GET3: variants seen among roughly 807,000 people sequenced by gnomAD.
The protein encoded by GET3 is guided entry of tail-anchored proteins factor 3, ATPase, also known as ATPase GET3.
Under a neutral mutation model 32.4 loss-of-function variants are expected in GET3, and 15 were observed. The ratio of observed to expected loss-of-function variants is 0.46; its 90% CI spans 0.31 to 0.71. GET3 has a LOEUF of 0.71. Ranked by LOEUF, GET3 falls within the 30% of genes least tolerant of loss-of-function variation. GET3 has a pLI of 0.05. For missense variants in GET3, 333 were observed against 459.0 expected, an observed-to-expected ratio of 0.73 and a Z score of 2.51; for synonymous variants, 198 against 185.6, an observed-to-expected ratio of 1.07 and a Z score of -0.54.
chr19:12,740,518 T>C (rs891422948), intron 2 of GET3, among the ~76,000 whole-genome samples: 4 of 145,998 alleles, frequency 2.7e-5, no homozygotes, highest in African/African-American at 1.0e-4. Context: ...CTACTAAAAA[T>C]ACAAAAAAAT....
chr19:12,743,573 G>A (rs959472702), intron 2 of GET3, among the ~76,000 whole-genome samples: 7 of 150,934 alleles, frequency 4.6e-5, no homozygotes, highest in East Asian at 2.0e-4. Flanking sequence ...GGTGGATCAC[G>A]AGGTCAGGAG....
upstream of GET3, chr19:12,737,494 G>A: frequency 6.5e-7 from 1 of 1,529,720 alleles, no homozygotes; most frequent in Non-Finnish European, 8.8e-7. Flanking sequence ...GATCACGTGA[G>A]CCAGTTCCAA....
chr19:12,742,575 C>T (rs574954751), intron 2 of GET3, among the ~76,000 whole-genome samples: 9 of 152,108 alleles, frequency 5.9e-5, no homozygotes, highest in African/African-American at 1.9e-4. Context: ...CCACCATGCC[C>T]GGCTAATTTT....
Position 12,747,074 on chromosome 19 carries a change from C to G in GET3, c.610-123C>G. ...GTATTTGACCAACCCCAGGAATCTG[C>G]TTATGGGCCTGAGCCTTTAACCACT... On this transcript the variant is annotated intron_variant, in intron 4 of 6. Coordinates refer to ENST00000357332, the MANE Select transcript of GET3 (RefSeq NM_004317.4). This position sits in a 1 kb window ranked among gnomAD's most constrained non-coding sequence, Gnocchi z 4.0. 1 of 674,020 alleles carries G rather than the reference C, an allele frequency of 1.5e-6. No homozygotes were observed. Among genetic ancestry groups the G allele is most frequent in the South Asian group, 2.3e-5 (1 of 43,894 alleles). The allele number at this position is 674,020 out of a possible 1,614,324, so 41.8% of individuals were successfully genotyped here. A position where few individuals can be genotyped will look rare whatever the true frequency, so the allele number is the denominator to read the frequency against.
chr19:12,739,653 A>T (rs2145685616), intron 2 of GET3, among the ~76,000 whole-genome samples: 1 of 152,350 alleles, frequency 6.6e-6, no homozygotes, highest in Middle Eastern at 3.4e-3. Context: ...CTGGAAATCC[A>T]AGTGTAAACA....
Position 12,747,738 on chromosome 19 carries a change from T to C in GET3, c.915+146T>C. On this transcript the variant is annotated intron_variant, in intron 6 of 6. Coordinates refer to ENST00000357332, the MANE Select transcript of GET3 (RefSeq NM_004317.4). The surrounding 1 kb of genome is among the most constrained non-coding windows in gnomAD (Gnocchi z 4.0). ...AGATCCTTCACCCTTATTCCGGCCA[T>C]AGAGGACTGTGGCTGGCCTGGCCTA... is the stretch of plus-strand genomic sequence containing the variant. The C allele has an allele frequency of 8.6e-7, 1 of 1,168,232 alleles. No homozygotes were observed. Among genetic ancestry groups the C allele is most frequent in the Non-Finnish European group, 1.2e-6 (1 of 834,514 alleles). The allele number at this position is 1,168,232 out of a possible 1,614,324, so 72.4% of individuals were successfully genotyped here. A position where few individuals can be genotyped will look rare whatever the true frequency, so the allele number is the denominator to read the frequency against.
intron 2 of GET3, among the ~76,000 whole-genome samples, chr19:12,742,341 C>G (rs914621029): frequency 6.6e-6 from 1 of 151,414 alleles, no homozygotes; most frequent in Non-Finnish European, 1.5e-5. Flanking sequence ...AAGCGATTCT[C>G]CTGCCTCAGC....
chr19:12,737,774 G>C (rs936676460), intron 1 of GET3, 108 bp downstream of exon 1: 1 of 1,400,114 alleles, frequency 7.1e-7, no homozygotes. Context: ...GGGCTGGCGG[G>C]GGTCTTTGGG....
chr19:12,748,094 G>C lies in GET3; in HGVS notation c.1037G>C (p.Ser346Thr). The change falls in exon 7 of 7, where the codon AGT becomes ACT. Residue 346 changes from serine to threonine, a missense_variant. This residue lies in a region of GET3 where 39 missense variants were observed against 33.0 expected (regional missense o/e 1.18). Transcript: ENST00000357332. ...CTCCTGGAGCCCTACAAGCCCCCCA[G>C]TGCCCAGTAGCACAGCTGCCAGCCC... is the stretch of plus-strand genomic sequence containing the variant. ...ALLLEPYKPPSAQ is the reference protein window; with the variant it reads ...ALLLEPYKPPTAQ The C allele has an allele frequency of 6.3e-7, 1 of 1,595,446 alleles. No individual in the cohort carries two copies. Among genetic ancestry groups the C allele is most frequent in the Non-Finnish European group, 8.6e-7 (1 of 1,167,650 alleles).
chr19:12,744,216 CG>C (rs1282186894), intron 2 of GET3, among the ~76,000 whole-genome samples: 1 of 130,026 alleles, frequency 7.7e-6, no homozygotes, highest in Admixed American at 7.3e-5. Context: ...AACTCCATCT[CG>C]GGAAAAAAAA....
At position 12,747,370 on chromosome 19, in the gene GET3, C is replaced by G; in HGVS notation, c.718-25C>G. 6.2e-7 allele frequency: 1 copy of G among 1,613,654 alleles called. No individual in the cohort carries two copies. The highest frequency in any genetic ancestry group is 2.2e-5 in the East Asian group (1 of 44,868). On this transcript the variant is annotated intron_variant, in intron 5 of 6. Transcript: ENST00000357332. This position sits in a 1 kb window ranked among gnomAD's most constrained non-coding sequence, Gnocchi z 4.0. ...GAGGACAGGGGCAGACCCCGCCCCT[C>G]ACTGTCCTCTCTCGTGCCCTGTAGG...
chr19:12,740,867 G>T (rs1436181116), intron 2 of GET3, among the ~76,000 whole-genome samples: 2 of 152,126 alleles, frequency 1.3e-5, no homozygotes, highest in Non-Finnish European at 2.9e-5. Context: ...GGTGTTGGCA[G>T]CCAATGGCTT....
In GET3 at chr19:12,742,415, G is replaced by T. The variant is rs143503215; in HGVS notation, c.310-2962G>T. Reference sequence around the variant, plus strand: ...TCCGGCTAATTTTTGTTTTGGGGGGGTTTTTTTTGTTTGTTTTGAGACGGA... The same window carrying T: ...TCCGGCTAATTTTTGTTTTGGGGGGTTTTTTTTTGTTTGTTTTGAGACGGA... On this transcript the variant is annotated intron_variant, in intron 2 of 6. Transcript: ENST00000357332. 1.2e-3 allele frequency among the ~76,000 whole-genome samples: 180 copies of T among 149,336 alleles called. 4 individuals are homozygous for T. The East Asian group carries it at 0.028, about 24-fold the overall frequency.
rs1221211502 is a variant in GET3 at position 12,737,571 on chromosome 19, G to A, written c.66G>A (p.Glu22=). The A allele has an allele frequency of 6.2e-7, 1 of 1,610,676 alleles. No individual in the cohort carries two copies. The highest frequency in any genetic ancestry group is 8.5e-7 in the Non-Finnish European group (1 of 1,178,790). ...AGTTCGAAGATGCTCCTGATGTGGAGCCGCTGGAGCCTACACTTAGCAACA... is the reference window on the plus strand; with the variant it reads ...AGTTCGAAGATGCTCCTGATGTGGAACCGCTGGAGCCTACACTTAGCAACA... The part of the protein sequence containing the change: ...AEEFEDAPDV[E]PLEPTLSNII... The change falls in exon 1 of 7, where the codon GAG becomes GAA. Residue 22 remains glutamate, a synonymous_variant. Coordinates refer to ENST00000357332, the MANE Select transcript of GET3 (RefSeq NM_004317.4).
upstream of GET3, chr19:12,737,409 A>G: frequency 2.2e-6 from 3 of 1,352,046 alleles, no homozygotes; most frequent in Non-Finnish European, 2.9e-6. Context: ...GAGGAAATTA[A>G]CTCATGCTCC....
At chr19:12,737,351 A>T, upstream of GET3, 1 of 1,128,208 alleles carries the variant, frequency 8.9e-7, no homozygotes, top group Non-Finnish European at 1.2e-6. Context: ...CCCTGGAAGC[A>T]AAGAATAGTG....
Position 12,738,533 on chromosome 19 carries a change from T to A in GET3, c.184T>A (p.Ser62Thr). 1 of 1,614,140 alleles carries A rather than the reference T, an allele frequency of 6.2e-7. No homozygotes were observed. The highest frequency in any genetic ancestry group is 1.3e-5 in the African/African-American group (1 of 75,038). ...TCSCSLAVQL[S>T]KGRESVLIIS... ...CAGCTGCAGCCTGGCAGTCCAGCTC[T>A]CCAAGGGGCGTGAGAGTGTTCTGAT... is the stretch of plus-strand genomic sequence containing the variant. The change falls in exon 2 of 7, where the codon TCC becomes ACC. Residue 62 changes from serine (S) to threonine (T), a missense_variant. By Grantham distance (58) the Ser-to-Thr change is moderately conservative. Around this residue, in one of 3 missense-constraint regions of GET3, gnomAD observed 230 missense variants for 389.2 expected, o/e 0.59. Coordinates refer to ENST00000357332, the MANE Select transcript of GET3 (RefSeq NM_004317.4).
In GET3 at chr19:12,747,454, G is replaced by A; in HGVS notation, c.777G>A (p.Glu259=). Residue 259 remains glutamate, a synonymous_variant, in exon 6 of 7, where the codon GAG becomes GAA. Coordinates refer to ENST00000357332, the MANE Select transcript of GET3 (RefSeq NM_004317.4). This position sits in a 1 kb window ranked among gnomAD's most constrained non-coding sequence, Gnocchi z 4.0. ...AGTTCCTGTCCCTGTATGAGACAGA[G>A]AGGCTGATCCAGGAGCTGGCCAAGT... ...IAEFLSLYET[E]RLIQELAKCK... 6.2e-7 allele frequency: 1 copy of A among 1,614,048 alleles called. No homozygotes were observed. The highest frequency in any genetic ancestry group is 1.1e-5 in the South Asian group (1 of 91,078).
intron 2 of GET3, among the ~76,000 whole-genome samples, chr19:12,742,952 A>T (rs1257224993): frequency 6.6e-6 from 1 of 152,200 alleles, no homozygotes; most frequent in Non-Finnish European, 1.5e-5. Context: ...GAACCTGTGG[A>T]GGCTGGGCTG....
Sources: allele counts gnomAD v4.1 joint callset (sites outside exome capture counted in the v4.1 genomes callset), GRCh38; gene constraint gnomAD v4.1.1; regional missense constraint gnomAD v4.1.1; non-coding constraint Gnocchi (gnomAD v3.1); transcripts MANE v1.5; gene names NCBI Gene and HGNC (gene_info 2026-07-23, HGNC 2026-07-21).